Variants in ARHGAP17 observed in about 807,000 individuals in gnomAD.
ARHGAP17 encodes the protein Rho GTPase activating protein 17, also known as rho GTPase-activating protein 17.
In ARHGAP17, 57 loss-of-function variants were observed where a neutral mutation model predicts 99.5. The ratio of observed to expected loss-of-function variants is 0.57; its 90% CI spans 0.46 to 0.71. The LOEUF (loss-of-function observed/expected upper bound fraction) is 0.71, where lower values mean the gene tolerates loss of function less well. Ranked by LOEUF, ARHGAP17 falls within the 30% of genes least tolerant of loss-of-function variation. The pLI, the probability that ARHGAP17 is intolerant of heterozygous loss-of-function variation, is 0.00. For missense variants in ARHGAP17, 1,000 were observed against 1,122.4 expected (o/e 0.89, Z 1.56); for synonymous variants, 417 against 429.6 (o/e 0.97, Z 0.36).
At chr16:24,926,814 A>T (rs752392035) in intron 19 of ARHGAP17, among the ~76,000 whole-genome samples, 1 of 152,184 alleles carries the variant, frequency 6.6e-6, no homozygotes, top group African/African-American at 2.4e-5. Flanking sequence ...GATTCAAAAA[A>T]CCAAGTGGTG....
chr16:24,981,020 CAGA>C (rs993583710), intron 1 of ARHGAP17, among the ~76,000 whole-genome samples: 27 of 152,124 alleles, frequency 1.8e-4, no homozygotes, highest in African/African-American at 5.8e-4. Context: ...TAAAAAATAA[CAGA>C]AGAAGAGAAG....
intron 17 of ARHGAP17, among the ~76,000 whole-genome samples, chr16:24,937,114 C>G (rs2051161496): frequency 7.4e-6 from 1 of 134,514 alleles, no homozygotes; most frequent in Non-Finnish European, 1.5e-5. Flanking sequence ...AAGACCCTGT[C>G]TGAAAAAAAA....
chr16:25,010,486 G>A (rs1040838752), intron 1 of ARHGAP17, among the ~76,000 whole-genome samples: 7 of 152,190 alleles, frequency 4.6e-5, no homozygotes, highest in African/African-American at 1.7e-4. Context: ...AAATGTTATA[G>A]ACTGTTACTA....
At chr16:24,985,701 G>C (rs946190594) in intron 1 of ARHGAP17, among the ~76,000 whole-genome samples, 2 of 152,210 alleles carry the variant, frequency 1.3e-5, no homozygotes, top group African/African-American at 4.8e-5. Context: ...AGATTCTGGA[G>C]ATGGGGATCT....
chr16:24,967,468 T>C (rs922094299), intron 6 of ARHGAP17, among the ~76,000 whole-genome samples: 5 of 152,318 alleles, frequency 3.3e-5, no homozygotes, highest in East Asian at 1.9e-4. Context: ...TGTTTCCCTA[T>C]TCCCAACTGT....
chr16:24,935,690 T>A, intron 17 of ARHGAP17, 51 bp from the exon 18 acceptor site: 1 of 1,575,518 alleles, frequency 6.3e-7, no homozygotes, highest in East Asian at 2.2e-5. Flanking sequence ...AGCTAGAAAA[T>A]CTGAACATAC....
intron 9 of ARHGAP17, chr16:24,957,686 T>C (rs543002763): frequency 2.6e-5 from 4 of 152,172 alleles, no homozygotes; most frequent in East Asian, 1.9e-4. Context: ...AGCAGAGGGA[T>C]TGGGGGTAGA....
At chr16:24,996,866 G>A (rs2053207179) in intron 1 of ARHGAP17, among the ~76,000 whole-genome samples, 1 of 151,838 alleles carries the variant, frequency 6.6e-6, no homozygotes, top group African/African-American at 2.4e-5. Flanking sequence ...CAGGAGGATT[G>A]CTTGAGGCCA....
At chr16:24,982,095 A>AT (rs34637722) in intron 1 of ARHGAP17, among the ~76,000 whole-genome samples, 57,684 of 150,406 alleles carry the variant, frequency 0.38, 11,767 homozygotes, top group African/African-American at 0.54. Context: ...GCAGGCTTAG[A>AT]TTTTTTTTTT....
At chr16:24,942,460 T>G (rs977483018) in intron 15 of ARHGAP17, among the ~76,000 whole-genome samples, 1 of 152,140 alleles carries the variant, frequency 6.6e-6, no homozygotes, top group African/African-American at 2.4e-5. Flanking sequence ...GATCACTTAT[T>G]TGAATCATTC....
intron 1 of ARHGAP17, among the ~76,000 whole-genome samples, chr16:24,982,749 C>T (rs942023742): frequency 6.6e-6 from 1 of 151,522 alleles, no homozygotes; most frequent in Non-Finnish European, 1.5e-5. Flanking sequence ...ATTCCACTAT[C>T]GGCCAAGGTG....
chr16:24,966,272 C>T (rs62035027), intron 6 of ARHGAP17, among the ~76,000 whole-genome samples: 37,453 of 152,024 alleles, frequency 0.25, 5,967 homozygotes, highest in East Asian at 0.5. Context: ...CAAGAAGAGA[C>T]ATTTACTTGC....
intron 3 of ARHGAP17, among the ~76,000 whole-genome samples, chr16:24,971,402 T>C (rs1263844040): frequency 6.6e-6 from 1 of 150,760 alleles, no homozygotes; most frequent in Admixed American, 6.6e-5. Context: ...CAATCTCGGC[T>C]CACTGCAACC....
chr16:24,942,185 C>T, intron 15 of ARHGAP17, 42 bp from the exon 16 acceptor site: 1 of 1,564,138 alleles, frequency 6.4e-7, no homozygotes, highest in Non-Finnish European at 8.7e-7. Flanking sequence ...ACACTGAGCA[C>T]AGCAGGCGAG....
At chr16:24,995,449 G>C (rs1299208497) in intron 1 of ARHGAP17, among the ~76,000 whole-genome samples, 2 of 152,210 alleles carry the variant, frequency 1.3e-5, no homozygotes, top group African/African-American at 2.4e-5. Flanking sequence ...GGAGAAGAGA[G>C]GGAAGAGAGA....
In ARHGAP17 at chr16:24,930,861, G is replaced by T. The variant is rs763988665; in HGVS notation, c.2438C>A (p.Pro813His). Residue 813 changes from proline (P) to histidine (H), a missense_variant, in exon 19 of 20, where the codon CCC (proline) becomes CAC (histidine). Coordinates refer to ENST00000289968, the MANE Select transcript of ARHGAP17 (RefSeq NM_001006634.3). The stretch of plus-strand genomic sequence containing the variant: ...AGCTGAGTGGACACCAGGAGGTTGG[G>T]GGGGTGGGGGCACGCTGGGCCGGTT... ...PRNRPSVPPPPQPPGVHSAGD... is the reference protein window; with the variant it reads ...PRNRPSVPPPHQPPGVHSAGD... 6.8e-6 allele frequency: 11 copies of T among 1,613,944 alleles called. No individual in the cohort carries two copies. In the East Asian group the frequency reaches 1.6e-4, roughly 23 times the overall value.
In ARHGAP17 at chr16:24,968,768, T is replaced by A. The variant is rs762312535; in HGVS notation, c.277A>T (p.Met93Leu). ...TCAGCATCTCCACACGTCTCCAGCA[T>A]CTTCCTTTAAAAACAAGACCCCCAA... ...TQLEDSLLGK[M>L]LETCGDAENQ... is the part of the protein sequence containing the mutation. The change falls in exon 5 of 20, where the codon ATG becomes TTG. Residue 93 changes from methionine (M) to leucine (L), a missense_variant. Physicochemically the swap from Met to Leu is conservative, Grantham distance 15. Transcript: ENST00000289968. 30 of 1,614,068 alleles carry A rather than the reference T, an allele frequency of 1.9e-5. 2 individuals carry two copies. The South Asian group carries it at 3.2e-4, about 17-fold the overall frequency.
intron 1 of ARHGAP17, among the ~76,000 whole-genome samples, chr16:25,011,924 T>C (rs1333169942): frequency 6.6e-6 from 1 of 152,146 alleles, no homozygotes; most frequent in South Asian, 2.1e-4. Context: ...TGGGAAGCTT[T>C]TGTTACCTCC....
At chr16:24,983,646 A>G (rs2052769161) in intron 1 of ARHGAP17, among the ~76,000 whole-genome samples, 1 of 152,132 alleles carries the variant, frequency 6.6e-6, no homozygotes, top group Admixed American at 6.5e-5. Flanking sequence ...AACTTTTTGT[A>G]TATGGGTTTT....
Sources: allele counts gnomAD v4.1 joint callset (sites outside exome capture counted in the v4.1 genomes callset), GRCh38; gene constraint gnomAD v4.1.1; transcripts MANE v1.5; gene names NCBI Gene and HGNC (gene_info 2026-07-23, HGNC 2026-07-21).